The following SYNE2 variants were observed in gnomAD, a reference collection of about 807,000 sequenced individuals.
SYNE2 encodes spectrin repeat containing nuclear envelope protein 2.
A neutral mutation model predicts 856.3 loss-of-function variants in SYNE2; 431 were observed. That is an observed-to-expected ratio of 0.50 (90% CI 0.47 to 0.55). SYNE2 has a LOEUF of 0.55. SYNE2 is among the 20% of genes least tolerant of loss of function. The probability of loss-of-function intolerance (pLI) is 0.00; values close to 1 mark genes in which losing one functional copy is unlikely to be tolerated. For synonymous variants in SYNE2, 2,923 were observed against 2,872.3 expected, an observed-to-expected ratio of 1.02 and a Z score of -0.56; for missense variants, 8,129 against 8,023.2, an observed-to-expected ratio of 1.01 and a Z score of -0.50.
rs367936020 is a variant in SYNE2 at position 64,077,126 on chromosome 14, C to G, written c.11022+1026C>G. 1.4e-3 allele frequency among the ~76,000 whole-genome samples: 207 copies of G among 152,214 alleles called. 3 individuals carry two copies. The highest frequency in any genetic ancestry group is 4.5e-3 in the African/African-American group (185 of 41,548). ...GGTAGAAAATTTCCGCTATGACCCT[C>G]TATATTTGTAACAAACAGCAACTAA... is the stretch of plus-strand genomic sequence containing the variant. On this transcript the variant is annotated intron_variant, in intron 54 of 115. Coordinates refer to ENST00000555002, the MANE Select transcript of SYNE2 (RefSeq NM_182914.3).
At chr14:64,116,696 A>G (rs1434902323) in intron 66 of SYNE2, among the ~76,000 whole-genome samples, 1 of 152,238 alleles carries the variant, frequency 6.6e-6, no homozygotes, top group Middle Eastern at 3.2e-3. Flanking sequence ...GATTACAGGC[A>G]TGAGCCACCG....
In SYNE2 at chr14:64,177,387, G is replaced by A. The variant is rs200326482; in HGVS notation, c.17460G>A (p.Lys5820=). 1 of 1,614,148 alleles carries A rather than the reference G, an allele frequency of 6.2e-7. No homozygotes were observed. Among genetic ancestry groups the A allele is most frequent in the Non-Finnish European group, 8.5e-7 (1 of 1,180,026 alleles). ...GGGACCAGTGTGAAAAGAAAATCAA[G>A]GAGTTGAAAAGCAGGCTGCAAGTTT... ...ETWDQCEKKI[K]ELKSRLQVLK... The change falls in exon 96 of 116, where the codon AAG becomes AAA. Residue 5820 remains lysine, a synonymous_variant. Coordinates refer to ENST00000555002, the MANE Select transcript of SYNE2 (RefSeq NM_182914.3).
At chr14:63,982,113 C>T (rs2096590140) in intron 16 of SYNE2, among the ~76,000 whole-genome samples, 1 of 152,182 alleles carries the variant, frequency 6.6e-6, no homozygotes, top group African/African-American at 2.4e-5. Context: ...CAACAACATC[C>T]ATCTGTTGGA....
At chr14:63,878,099 C>T (rs566953907) in intron 1 of SYNE2, among the ~76,000 whole-genome samples, 1 of 152,186 alleles carries the variant, frequency 6.6e-6, no homozygotes, top group East Asian at 1.9e-4. Flanking sequence ...GTTACCCAGG[C>T]TGGTCTTGAA....
intron 99 of SYNE2, among the ~76,000 whole-genome samples, chr14:64,193,995 G>T (rs1422608499): frequency 6.6e-6 from 1 of 152,138 alleles, no homozygotes; most frequent in Non-Finnish European, 1.5e-5. Context: ...CCCTGGTGTG[G>T]GTATAAAGAG....
At chr14:63,879,072 G>T (rs2094796313) in intron 1 of SYNE2, among the ~76,000 whole-genome samples, 1 of 152,068 alleles carries the variant, frequency 6.6e-6, no homozygotes, top group African/African-American at 2.4e-5. Context: ...GGGTGTGCTG[G>T]TATGTGCTAA....
intron 1 of SYNE2, among the ~76,000 whole-genome samples, chr14:63,896,910 G>A (rs1227093074): frequency 6.6e-6 from 1 of 152,088 alleles, no homozygotes; most frequent in African/African-American, 2.4e-5. Context: ...TCCTGCCTTA[G>A]CATGTTTTTG....
chr14:64,006,387 T>TC (rs2096796163), intron 30 of SYNE2, among the ~76,000 whole-genome samples: 1 of 152,036 alleles, frequency 6.6e-6, no homozygotes, highest in Non-Finnish European at 1.5e-5. Context: ...CATGCTGTCT[T>TC]CCCCCTACAT....
At chr14:64,018,309 G>A (rs561555911) in intron 34 of SYNE2, among the ~76,000 whole-genome samples, 18 of 152,122 alleles carry the variant, frequency 1.2e-4, no homozygotes, top group African/African-American at 4.1e-4. Context: ...GCACGATCTC[G>A]GCTCACTGCA....
intron 33 of SYNE2, 45 bp from the exon 34 acceptor site, chr14:64,017,550 C>G: frequency 6.6e-7 from 1 of 1,521,864 alleles, no homozygotes; most frequent in Non-Finnish European, 9.1e-7. Flanking sequence ...GGTTTTCAGA[C>G]TTTTCACTGC....
chr14:64,187,314 C>T (rs1409436409), intron 97 of SYNE2, among the ~76,000 whole-genome samples: 1 of 152,070 alleles, frequency 6.6e-6, no homozygotes, highest in Non-Finnish European at 1.5e-5. Flanking sequence ...ACACGTTCTC[C>T]TTGATTTTAG....
intron 1 of SYNE2, among the ~76,000 whole-genome samples, chr14:63,830,827 C>T (rs1175822485): frequency 6.8e-6 from 1 of 146,990 alleles, no homozygotes; most frequent in Non-Finnish European, 1.5e-5. Context: ...TCTTTCAATA[C>T]AGTGATCCCA....
chr14:64,104,999 T>C (rs765838512), intron 64 of SYNE2, among the ~76,000 whole-genome samples: 7 of 152,220 alleles, frequency 4.6e-5, no homozygotes, highest in Non-Finnish European at 1.0e-4. Context: ...GCCACTATTT[T>C]CTCAGAGATA....
At chr14:63,787,817 C>A (rs1887594607) in intron 1 of SYNE2, among the ~76,000 whole-genome samples, 1 of 152,214 alleles carries the variant, frequency 6.6e-6, no homozygotes, top group Admixed American at 6.5e-5. Context: ...CAGGGACTGG[C>A]ACCTGACCTG....
intron 103 of SYNE2, among the ~76,000 whole-genome samples, chr14:64,210,513 C>G (rs1477602687): frequency 2.0e-5 from 3 of 152,198 alleles, no homozygotes; most frequent in Non-Finnish European, 4.4e-5. Flanking sequence ...GGGACCCCCC[C>G]CAGCTCTCGC....
intron 1 of SYNE2, among the ~76,000 whole-genome samples, chr14:63,842,640 G>A (rs1346172245): frequency 6.6e-6 from 1 of 151,100 alleles, no homozygotes; most frequent in Non-Finnish European, 1.5e-5. Context: ...TGTATTTTTA[G>A]TAGAGATGGG....
chr14:64,208,753 C>T lies in SYNE2; in HGVS notation c.18202-5C>T. On this transcript the variant is annotated splice_region_variant and splice_polypyrimidine_tract_variant and intron_variant, in intron 100 of 115. Transcript: ENST00000555002. ...AAGAGGTTTCTTACTCTGTTGTAAT[C>T]ACAGGATCTACAGCGAGATATTGAA... is the stretch of plus-strand genomic sequence containing the variant. The T allele has an allele frequency of 6.2e-7, 1 of 1,614,194 alleles. No individual in the cohort carries two copies. Among genetic ancestry groups the T allele is most frequent in the Non-Finnish European group, 8.5e-7 (1 of 1,180,032 alleles).
intron 99 of SYNE2, among the ~76,000 whole-genome samples, chr14:64,192,678 C>G (rs1273143701): frequency 6.6e-6 from 1 of 152,162 alleles, no homozygotes; most frequent in Non-Finnish European, 1.5e-5. Context: ...ACCATTGTCC[C>G]ATTTTACATA....
intron 11 of SYNE2, among the ~76,000 whole-genome samples, chr14:63,972,926 A>T (rs1226786528): frequency 1.3e-5 from 2 of 152,246 alleles, no homozygotes. Flanking sequence ...GTAATTAGAC[A>T]CACTAAAAGT....
Sources: gnomAD v4.1 joint callset for allele counts (sites outside exome capture counted in the v4.1 genomes callset) on GRCh38, gnomAD v4.1.1 for gene constraint, MANE v1.5 for transcripts, NCBI Gene and HGNC (gene_info 2026-07-23, HGNC 2026-07-21) for gene names.